SHTN1: variants seen among roughly 807,000 people sequenced by gnomAD.
SHTN1 encodes the protein shootin 1.
SHTN1 carries 42 observed loss-of-function variants against 83.1 expected under a neutral mutation model. That is an observed-to-expected ratio of 0.51 (90% CI 0.39 to 0.65). The LOEUF (loss-of-function observed/expected upper bound fraction) is 0.65. Among genes scored for constraint, SHTN1 ranks in the 30% least tolerant of loss-of-function variants. SHTN1 has a pLI of 0.00. For synonymous variants in SHTN1, 224 were observed against 247.7 expected (o/e 0.90, Z 0.90); for missense variants, 622 against 737.8 (o/e 0.84, Z 1.82).
chr10:116,976,068 G>C (rs879943330), intron 2 of SHTN1, among the ~76,000 whole-genome samples: 20 of 152,170 alleles, frequency 1.3e-4, no homozygotes, highest in Non-Finnish European at 2.6e-4. Context: ...GTGCTCAGAA[G>C]ACCCATGTTT....
intron 1 of SHTN1, among the ~76,000 whole-genome samples, chr10:117,100,403 A>C (rs1853573198): frequency 6.6e-6 from 1 of 152,216 alleles, no homozygotes; most frequent in Admixed American, 6.5e-5. Flanking sequence ...AATCTTCACC[A>C]TCTGGCCCTT....
rs776971906 is a variant in SHTN1 at position 116,940,657 on chromosome 10, A to T, written c.712-45T>A. 5.5e-6 allele frequency: 8 copies of T among 1,466,594 alleles called. No homozygotes were observed. In the Admixed American group the frequency reaches 1.5e-4, roughly 27 times the overall value. The allele number at this position is 1,466,594 out of a possible 1,614,324, so 90.8% of individuals were successfully genotyped here. A position where few individuals can be genotyped will look rare whatever the true frequency, so the allele number is the denominator to read the frequency against. On this transcript the variant is annotated intron_variant, in intron 8 of 16. Transcript: ENST00000355371. ...GAATGTATATATCAATCAATCTCAC[A>T]TACCTCCTCAACTGTAACTTCAGCA... is the stretch of plus-strand genomic sequence containing the variant.
chr10:116,906,500 TCTCA>T lies in SHTN1; in HGVS notation c.1480+123_1480+126del. The stretch of plus-strand genomic sequence containing the variant: ...TAAATATCTTTACCCATCCCATACT[TCTCA>T]CTCACATTAAAAACAAATATTTTAA... On this transcript the variant is annotated intron_variant, in intron 15 of 16. Coordinates refer to ENST00000355371, the MANE Select transcript of SHTN1 (RefSeq NM_001127211.3). The T allele has an allele frequency of 8.8e-6, 8 of 911,292 alleles. No homozygotes were observed. The South Asian group carries it at 1.7e-4, about 19-fold the overall frequency. 56.5% of individuals were successfully genotyped at this position (911,292 alleles called of 1,614,324 possible).
chr10:116,974,738 T>C (rs537465697), intron 2 of SHTN1, among the ~76,000 whole-genome samples: 1 of 152,214 alleles, frequency 6.6e-6, no homozygotes, highest in Admixed American at 6.6e-5. Context: ...ACAGATTTCC[T>C]TCTTTTTACG....
intron 1 of SHTN1, among the ~76,000 whole-genome samples, chr10:116,997,336 T>C (rs778618458): frequency 2.0e-5 from 3 of 152,252 alleles, no homozygotes; most frequent in Non-Finnish European, 4.4e-5. Flanking sequence ...TCCCTTGCGA[T>C]GTGCACTGCA....
chr10:116,928,325 C>T (rs911005914), intron 10 of SHTN1, among the ~76,000 whole-genome samples: 2 of 152,148 alleles, frequency 1.3e-5, no homozygotes, highest in East Asian at 3.9e-4. Context: ...CTCTCCCCTG[C>T]TTAATTTCCT....
intron 2 of SHTN1, among the ~76,000 whole-genome samples, chr10:116,968,954 T>C (rs1247895989): frequency 6.6e-6 from 1 of 152,222 alleles, no homozygotes; most frequent in East Asian, 1.9e-4. Flanking sequence ...TCCTGCTCAT[T>C]ATCTCCTCAG....
intron 1 of SHTN1, among the ~76,000 whole-genome samples, chr10:116,991,446 C>G (rs894851201): frequency 6.6e-6 from 1 of 152,152 alleles, no homozygotes; most frequent in African/African-American, 2.4e-5. Flanking sequence ...GCTTCCACCC[C>G]TGGCAGAAGG....
At chr10:117,021,762 A>T (rs1164490570) in intron 2 of SHTN1, among the ~76,000 whole-genome samples, 1 of 152,242 alleles carries the variant, frequency 6.6e-6, no homozygotes, top group East Asian at 1.9e-4. Context: ...AACTAGAAAA[A>T]GTACAACGGT....
At chr10:116,961,336 T>C (rs1850179297) in intron 3 of SHTN1, among the ~76,000 whole-genome samples, 1 of 152,158 alleles carries the variant, frequency 6.6e-6, no homozygotes, top group Admixed American at 6.5e-5. Context: ...TATGTTAATA[T>C]TCAAATTCAT....
intron 1 of SHTN1, among the ~76,000 whole-genome samples, chr10:117,068,171 C>T (rs2133601039): frequency 1.3e-5 from 2 of 152,238 alleles, no homozygotes; most frequent in Middle Eastern, 3.4e-3. Flanking sequence ...GCAGGTGGAT[C>T]ACTTGAGTTC....
intron 1 of SHTN1, among the ~76,000 whole-genome samples, chr10:116,997,304 G>A (rs908675298): frequency 6.6e-5 from 10 of 152,198 alleles, no homozygotes; most frequent in Admixed American, 1.3e-4. Context: ...AAGACAGTAT[G>A]TTGAGCCACT....
rs1364548245 is a variant in SHTN1, at chr10:116,905,136, A to G, written c.1480+1491T>C. 6.1e-5 allele frequency among the ~76,000 whole-genome samples: 9 copies of G among 147,914 alleles called. No homozygotes were observed. The East Asian group carries it at 1.8e-3, about 30-fold the overall frequency. On this transcript the variant is annotated intron_variant, in intron 15 of 16. Coordinates refer to ENST00000355371, the MANE Select transcript of SHTN1 (RefSeq NM_001127211.3). ...GAATGGCGTTGAACCCGGGAAGCGG[A>G]GCTTGCAGTGAGCCGAGATTGCGCC...
intron 13 of SHTN1, among the ~76,000 whole-genome samples, chr10:116,914,873 A>G (rs138159818): frequency 2.0e-5 from 3 of 152,276 alleles, no homozygotes; most frequent in African/African-American, 7.2e-5. Flanking sequence ...AATTAATGAA[A>G]AACAATCATA....
At chr10:116,952,859 C>T (rs1454648126) in intron 5 of SHTN1, among the ~76,000 whole-genome samples, 1 of 152,202 alleles carries the variant, frequency 6.6e-6, no homozygotes, top group Non-Finnish European at 1.5e-5. Context: ...ATAAACTCAG[C>T]TTGGAGAAGT....
At chr10:116,939,602 C>T (rs1453765154) in intron 9 of SHTN1, among the ~76,000 whole-genome samples, 2 of 152,168 alleles carry the variant, frequency 1.3e-5, no homozygotes, top group Non-Finnish European at 2.9e-5. Context: ...TGTTCGTATT[C>T]GGCCATCTTA....
At chr10:116,987,149 G>A (rs1203799507) in intron 1 of SHTN1, among the ~76,000 whole-genome samples, 3 of 152,070 alleles carry the variant, frequency 2.0e-5, no homozygotes, top group Admixed American at 6.6e-5. Context: ...TTGGTGGAAG[G>A]CAAATACCCA....
At chr10:116,893,722 A>T (rs745636214) in intron 16 of SHTN1, among the ~76,000 whole-genome samples, 1 of 152,148 alleles carries the variant, frequency 6.6e-6, no homozygotes. Context: ...ATTTGAACAA[A>T]ACATGACCCC....
chr10:117,064,579 CGTGAGGCAGAGGTTGTA>C (rs1852946413), intron 1 of SHTN1, among the ~76,000 whole-genome samples: 1 of 150,968 alleles, frequency 6.6e-6, no homozygotes, highest in Admixed American at 6.6e-5. Flanking sequence ...CGCTTGAACC[CGTGAGGCAGAGGTTGTA>C]GTGAGCCGAG....
Sources: allele counts gnomAD v4.1 joint callset (sites outside exome capture counted in the v4.1 genomes callset), GRCh38; gene constraint gnomAD v4.1.1; transcripts MANE v1.5; gene names NCBI Gene and HGNC (gene_info 2026-07-23, HGNC 2026-07-21).